The following SIMC1 variants were observed in gnomAD, a reference collection of about 807,000 sequenced individuals.
SIMC1 encodes SUMO interacting motifs containing 1, also known as SUMO-interacting motif-containing protein 1.
A neutral mutation model predicts 82.3 loss-of-function variants in SIMC1; 55 were observed. The observed-to-expected ratio is 0.67, with a 90% CI of 0.54 to 0.84. SIMC1 has a LOEUF of 0.84. Ranked by LOEUF, SIMC1 falls within the 40% of genes least tolerant of loss-of-function variation. The probability of loss-of-function intolerance (pLI) is 0.00; values close to 1 mark genes in which losing one functional copy is unlikely to be tolerated. For missense variants in SIMC1, 915 were observed against 1,107.2 expected (o/e 0.83, Z 2.46); for synonymous variants, 353 against 426.3 (o/e 0.83, Z 2.12).
At chr5:176,279,304 G>A (rs561028810) in intron 1 of SIMC1, among the ~76,000 whole-genome samples, 1 of 152,214 alleles carries the variant, frequency 6.6e-6, no homozygotes, top group South Asian at 2.1e-4. Context: ...GTGTTTCTGT[G>A]GGATTGGTGG....
intron 1 of SIMC1, among the ~76,000 whole-genome samples, chr5:176,279,937 A>G (rs1368209908): frequency 6.6e-6 from 1 of 152,008 alleles, no homozygotes; most frequent in African/African-American, 2.4e-5. Context: ...GTGCTGAAAA[A>G]AATGTATATT....
At chr5:176,324,071 G>A (rs72825323) in intron 6 of SIMC1, among the ~76,000 whole-genome samples, 6,518 of 150,982 alleles carry the variant, frequency 0.043, 195 homozygotes, top group Non-Finnish European at 0.068. Flanking sequence ...AGGTTGCCCC[G>A]ACTCCTAATG....
chr5:176,247,799 G>T (rs1561669136), intron 1 of SIMC1, among the ~76,000 whole-genome samples: 1 of 151,678 alleles, frequency 6.6e-6, no homozygotes, highest in Non-Finnish European at 1.5e-5. Flanking sequence ...TGTAAGGAAG[G>T]GGCCCGGTTT....
chr5:176,340,645 C>A (rs1443987215), intron 9 of SIMC1, among the ~76,000 whole-genome samples: 3 of 152,214 alleles, frequency 2.0e-5, no homozygotes, highest in Non-Finnish European at 1.5e-5. Context: ...GTCCTCTGTG[C>A]TCACTGGGAA....
intron 1 of SIMC1, among the ~76,000 whole-genome samples, chr5:176,280,062 T>G (rs1008929085): frequency 2.6e-5 from 4 of 152,084 alleles, no homozygotes; most frequent in Admixed American, 1.3e-4. Flanking sequence ...CTGTCTAATG[T>G]TGACAGTGGG....
intron 1 of SIMC1, among the ~76,000 whole-genome samples, chr5:176,286,750 A>AT (rs1561694695): frequency 2.0e-5 from 3 of 152,254 alleles, no homozygotes; most frequent in African/African-American, 7.2e-5. Flanking sequence ...AAGGGCTAAT[A>AT]TCCAGAATCT....
intron 1 of SIMC1, among the ~76,000 whole-genome samples, chr5:176,269,517 T>G (rs1298309663): frequency 6.6e-6 from 1 of 152,220 alleles, no homozygotes; most frequent in Non-Finnish European, 1.5e-5. Flanking sequence ...AAATTGAATT[T>G]GTAATTTTAA....
chr5:176,253,021 C>T lies in SIMC1; in HGVS notation c.129+14384C>T, dbSNP rs578231100. Among the ~76,000 whole-genome samples the T allele has an allele frequency of 1.3e-4, 20 of 152,280 alleles. No homozygotes were observed. In the East Asian group the frequency reaches 3.1e-3, roughly 24 times the overall value. ...CAGGCGTGGCGCGCGCGCCTGCAAT[C>T]GCAGGCACTCAGCAGGCTGAGGCAG... On this transcript the variant is annotated intron_variant, in intron 1 of 9. Coordinates refer to ENST00000429602, the MANE Select transcript of SIMC1 (RefSeq NM_001308195.2).
intron 1 of SIMC1, among the ~76,000 whole-genome samples, chr5:176,280,827 TG>T: frequency 6.6e-6 from 1 of 152,368 alleles, no homozygotes; most frequent in Admixed American, 6.5e-5. Flanking sequence ...CTTCCCTTTG[TG>T]GGTAACCCGA....
intron 1 of SIMC1, among the ~76,000 whole-genome samples, chr5:176,279,114 G>T (rs1762857984): frequency 6.6e-6 from 1 of 152,118 alleles, no homozygotes; most frequent in African/African-American, 2.4e-5. Context: ...ATTGATTGTT[G>T]CCACAATTTC....
At chr5:176,270,835 G>T (rs1004201801) in intron 1 of SIMC1, among the ~76,000 whole-genome samples, 15 of 152,308 alleles carry the variant, frequency 9.8e-5, no homozygotes, top group Admixed American at 2.6e-4. Flanking sequence ...TTGAGTTCCA[G>T]CTAGCCCCAC....
intron 5 of SIMC1, among the ~76,000 whole-genome samples, chr5:176,319,291 T>C (rs1282668202): frequency 2.0e-5 from 3 of 152,240 alleles, no homozygotes; most frequent in African/African-American, 7.2e-5. Flanking sequence ...CCTTCATTTC[T>C]AATAAACAGG....
At chr5:176,308,906 C>T in intron 4 of SIMC1, 3 of 1,307,364 alleles carry the variant, frequency 2.3e-6, no homozygotes, top group South Asian at 2.4e-5. Context: ...AGTCAGCGGG[C>T]CTCTTCTACA....
At chr5:176,344,937 T>C (rs145534332) in intron 9 of SIMC1, among the ~76,000 whole-genome samples, 507 of 152,306 alleles carry the variant, frequency 3.3e-3, no homozygotes, top group Non-Finnish European at 6.0e-3. Flanking sequence ...TATGTGATCA[T>C]AAAAAATGAC....
At chr5:176,273,242 G>T (rs934399679) in intron 1 of SIMC1, among the ~76,000 whole-genome samples, 1 of 152,180 alleles carries the variant, frequency 6.6e-6, no homozygotes, top group Non-Finnish European at 1.5e-5. Flanking sequence ...GCTTCCAGAG[G>T]AACGATCAGG....
intron 1 of SIMC1, among the ~76,000 whole-genome samples, chr5:176,262,346 AAG>A (rs1762044051): frequency 6.6e-6 from 1 of 152,122 alleles, no homozygotes; most frequent in African/African-American, 2.4e-5. Context: ...CAACTTCAGA[AAG>A]AACATCTACA....
intron 1 of SIMC1, among the ~76,000 whole-genome samples, chr5:176,253,646 G>A (rs1368585683): frequency 2.0e-5 from 3 of 152,146 alleles, no homozygotes; most frequent in Non-Finnish European, 4.4e-5. Context: ...TGAGCAACAA[G>A]GGAGGTTTGG....
At chr5:176,258,577 T>C (rs1417609078) in intron 1 of SIMC1, among the ~76,000 whole-genome samples, 4 of 151,860 alleles carry the variant, frequency 2.6e-5, no homozygotes, top group African/African-American at 9.7e-5. Context: ...AATACAAAAA[T>C]TGTTTTTTAA....
At chr5:176,249,856 A>AT (rs1169620430) in intron 1 of SIMC1, among the ~76,000 whole-genome samples, 1 of 151,054 alleles carries the variant, frequency 6.6e-6, no homozygotes, top group African/African-American at 2.4e-5. Flanking sequence ...AAAAAAAAAA[A>AT]AAAAAAAACC....
Sources: allele counts gnomAD v4.1 joint callset (sites outside exome capture counted in the v4.1 genomes callset), GRCh38; gene constraint gnomAD v4.1.1; transcripts MANE v1.5; gene names NCBI Gene and HGNC (gene_info 2026-07-23, HGNC 2026-07-21).